The following EYS variants were observed in gnomAD, a reference collection of about 807,000 sequenced individuals.
EYS encodes EGF-like photoreceptor maintenance factor.
A neutral mutation model predicts 282.1 loss-of-function variants in EYS; 250 were observed. That is an observed-to-expected ratio of 0.89 (90% CI 0.80 to 0.98). EYS has a LOEUF of 0.98. Ranked by LOEUF, EYS falls within the 50% of genes least tolerant of loss-of-function variation. The pLI is 0.00. For missense variants in EYS, 4,016 were observed against 3,709.0 expected (o/e 1.08, Z -2.15); for synonymous variants, 1,355 against 1,282.9 (o/e 1.06, Z -1.20).
intron 29 of EYS, among the ~76,000 whole-genome samples, chr6:64,319,708 T>TGGATGGAC (rs1554143193): frequency 2.4e-3 from 245 of 100,190 alleles, no homozygotes; most frequent in Non-Finnish European, 3.7e-3. Flanking sequence ...GATGGATGGA[T>TGGATGGAC]GGACGGATGG....
chr6:64,677,332 A>C (rs1470190911), intron 22 of EYS, among the ~76,000 whole-genome samples: 1 of 152,130 alleles, frequency 6.6e-6, no homozygotes, highest in East Asian at 1.9e-4. Flanking sequence ...TGGTTTTTTA[A>C]AAAAACGCAA....
At chr6:64,534,757 A>G in intron 26 of EYS, among the ~76,000 whole-genome samples, 1 of 151,006 alleles carries the variant, frequency 6.6e-6, no homozygotes, top group Non-Finnish European at 1.5e-5. Flanking sequence ...CTCTCAATAC[A>G]TTGCTTAATT....
At chr6:64,871,837 A>C (rs543812928) in intron 19 of EYS, among the ~76,000 whole-genome samples, 52 of 152,192 alleles carry the variant, frequency 3.4e-4, no homozygotes, top group African/African-American at 1.2e-3. Context: ...TCAGATGTTT[A>C]AAGGTTAACA....
chr6:64,713,529 T>G (rs903178653), intron 22 of EYS, among the ~76,000 whole-genome samples: 1 of 152,176 alleles, frequency 6.6e-6, no homozygotes, highest in Non-Finnish European at 1.5e-5. Flanking sequence ...TAGGTGTTAA[T>G]GAATTACTCA....
intron 31 of EYS, among the ~76,000 whole-genome samples, chr6:64,216,975 T>A (rs1765948959): frequency 6.6e-6 from 1 of 152,188 alleles, no homozygotes; most frequent in South Asian, 2.1e-4. Context: ...TCAATAAACC[T>A]GTGCTTTTCA....
chr6:64,703,430 T>TATATATATA (rs1491104462), intron 22 of EYS, among the ~76,000 whole-genome samples: 1 of 12,506 alleles, frequency 8.0e-5, no homozygotes, highest in African/African-American at 2.0e-4. Flanking sequence ...TATATATATA[T>TATATATATA]TTTTTTTTTT....
chr6:65,195,708 A>G (rs1765748555), intron 12 of EYS, among the ~76,000 whole-genome samples: 1 of 152,040 alleles, frequency 6.6e-6, no homozygotes, highest in Non-Finnish European at 1.5e-5. Context: ...TGAGCACACC[A>G]TGAACACACC....
chr6:64,768,774 G>A (rs1773431697), intron 22 of EYS, among the ~76,000 whole-genome samples: 1 of 152,102 alleles, frequency 6.6e-6, no homozygotes, highest in Non-Finnish European at 1.5e-5. Flanking sequence ...AATGAGCAAA[G>A]CCCTGACTGC....
At chr6:65,089,759 G>A (rs1774496252) in intron 12 of EYS, among the ~76,000 whole-genome samples, 1 of 151,756 alleles carries the variant, frequency 6.6e-6, no homozygotes, top group Admixed American at 6.6e-5. Flanking sequence ...ATTGAGATCA[G>A]CCCAGCCAAC....
chr6:64,962,319 T>C (rs1356757233), intron 14 of EYS, among the ~76,000 whole-genome samples: 1 of 152,102 alleles, frequency 6.6e-6, no homozygotes, highest in African/African-American at 2.4e-5. Flanking sequence ...TCTAGTTGTG[T>C]TAAATAAAAA....
chr6:65,492,021 T>G (rs546856118), intron 4 of EYS, among the ~76,000 whole-genome samples: 1 of 152,302 alleles, frequency 6.6e-6, no homozygotes, highest in East Asian at 1.9e-4. Flanking sequence ...TCTTTGACTT[T>G]TGGCATCTAA....
chr6:65,648,296 A>G (rs985039106), intron 1 of EYS, among the ~76,000 whole-genome samples: 1 of 147,596 alleles, frequency 6.8e-6, no homozygotes, highest in African/African-American at 2.5e-5. Flanking sequence ...TCAATCAATG[A>G]GTGGATAAAG....
intron 12 of EYS, among the ~76,000 whole-genome samples, chr6:65,284,978 C>A (rs1284022381): frequency 6.6e-6 from 1 of 151,726 alleles, no homozygotes; most frequent in Non-Finnish European, 1.5e-5. Flanking sequence ...TATTTTCCTT[C>A]TTTCTTAAAC....
At chr6:64,733,923 G>A (rs1583094180) in intron 22 of EYS, 1 of 155,762 alleles carries the variant, frequency 6.4e-6, no homozygotes, top group South Asian at 2.1e-4. Flanking sequence ...CCAGTCCCAT[G>A]GCGGTGGGAG....
chr6:65,412,883 T>G (rs1767078629), intron 5 of EYS, among the ~76,000 whole-genome samples: 1 of 152,186 alleles, frequency 6.6e-6, no homozygotes, highest in Non-Finnish European at 1.5e-5. Flanking sequence ...GTGCCATATC[T>G]AAGAGCTCTT....
At chr6:65,571,260 A>T (rs1018417926) in intron 2 of EYS, among the ~76,000 whole-genome samples, 13 of 151,738 alleles carry the variant, frequency 8.6e-5, no homozygotes, top group Non-Finnish European at 1.6e-4. Flanking sequence ...CTTCAGCTAA[A>T]ATATATATAT....
At chr6:63,840,256 G>A (rs549117276) in intron 36 of EYS, among the ~76,000 whole-genome samples, 66 of 141,942 alleles carry the variant, frequency 4.6e-4, no homozygotes, top group African/African-American at 1.6e-3. Flanking sequence ...AGTAGAGACA[G>A]GGTTTCGCTG....
intron 12 of EYS, among the ~76,000 whole-genome samples, chr6:65,190,982 A>C (rs1765629060): frequency 6.6e-6 from 1 of 151,840 alleles, no homozygotes; most frequent in Non-Finnish European, 1.5e-5. Flanking sequence ...ATTCTGAAAC[A>C]TTTGCATTGA....
chr6:64,525,058 AC>A (rs1777873694), intron 26 of EYS, among the ~76,000 whole-genome samples: 1 of 151,622 alleles, frequency 6.6e-6, no homozygotes, highest in African/African-American at 2.4e-5. Context: ...GTAAAGGGAA[AC>A]TCATATACTG....
Sources: allele counts gnomAD v4.1 joint callset (sites outside exome capture counted in the v4.1 genomes callset), GRCh38; gene constraint gnomAD v4.1.1; transcripts MANE v1.5; gene names NCBI Gene and HGNC (gene_info 2026-07-23, HGNC 2026-07-21).